Variants in MTPN observed in about 807,000 individuals in gnomAD.
MTPN encodes the protein myotrophin.
MTPN carries 2 observed loss-of-function variants against 13.5 expected under a neutral mutation model. That is an observed-to-expected ratio of 0.15 (90% CI 0.06 to 0.47). MTPN has a LOEUF of 0.47. MTPN is among the 20% of genes least tolerant of loss of function. The pLI is 0.97. For missense variants in MTPN, 79 were observed against 137.9 expected (o/e 0.57, Z 2.14); for synonymous variants, 46 against 51.7 (o/e 0.89, Z 0.48).
chr7:135,962,222 C>A (rs1584817619), intron 1 of MTPN, among the ~76,000 whole-genome samples: 1 of 136,226 alleles, frequency 7.3e-6, no homozygotes, highest in South Asian at 2.4e-4. Flanking sequence ...GATTAGATTG[C>A]ATTAATCTAA....
chr7:135,936,746 C>T (rs1467135575), intron 3 of MTPN, among the ~76,000 whole-genome samples: 3 of 152,168 alleles, frequency 2.0e-5, no homozygotes, highest in African/African-American at 7.2e-5. Context: ...CAGCATGATT[C>T]TGCTGATTTT....
At chr7:135,930,444 T>C (rs1228234601) in intron 3 of MTPN, among the ~76,000 whole-genome samples, 2 of 152,210 alleles carry the variant, frequency 1.3e-5, no homozygotes, top group African/African-American at 4.8e-5. Flanking sequence ...CATTCAGTAT[T>C]ATATACATCA....
At chr7:135,954,183 T>G (rs184501995) in intron 1 of MTPN, among the ~76,000 whole-genome samples, 4 of 152,286 alleles carry the variant, frequency 2.6e-5, no homozygotes, top group Admixed American at 1.3e-4. Context: ...TATGCAGTGT[T>G]TAGCATAGTG....
At chr7:135,974,215 A>G (rs1242889880) in intron 1 of MTPN, among the ~76,000 whole-genome samples, 2 of 152,154 alleles carry the variant, frequency 1.3e-5, no homozygotes, top group Non-Finnish European at 2.9e-5. Context: ...AAGTGTAATT[A>G]CTGACTTTTA....
rs543530495 is a variant in MTPN, at chr7:135,959,857, GA to G, written c.73-8228del. Among the ~76,000 whole-genome samples the G allele has an allele frequency of 2.0e-4, 30 of 151,676 alleles. 1 individual carries two copies. In the East Asian group the frequency reaches 5.8e-3, roughly 29 times the overall value. ...GGAACATCTGTTTTTTTAAGATCAA[GA>G]TAAACTAAGTGTATTGCCTCCTGCT... On this transcript the variant is annotated intron_variant, in intron 1 of 3. Transcript: ENST00000393085.
chr7:135,974,716 T>G (rs1243717256), intron 1 of MTPN, among the ~76,000 whole-genome samples: 1 of 152,208 alleles, frequency 6.6e-6, no homozygotes, highest in African/African-American at 2.4e-5. Flanking sequence ...AGTATTTTCT[T>G]TGTACACACC....
At chr7:135,952,686 G>C (rs1799381077) in intron 1 of MTPN, among the ~76,000 whole-genome samples, 1 of 152,168 alleles carries the variant, frequency 6.6e-6, no homozygotes. Context: ...TCTCAGCCGG[G>C]TGTGGTGGCT....
chr7:135,953,285 T>C (rs755959042), intron 1 of MTPN, among the ~76,000 whole-genome samples: 1 of 152,226 alleles, frequency 6.6e-6, no homozygotes, highest in Non-Finnish European at 1.5e-5. Flanking sequence ...AGTTAGTATT[T>C]AAATATATGG....
At chr7:135,976,942 TC>T in intron 1 of MTPN, 86 bp downstream of exon 1, 1 of 368,376 alleles carries the variant, frequency 2.7e-6, no homozygotes, top group East Asian at 7.4e-5. Context: ...CCCACCCCCA[TC>T]CCCGCAGTCC....
chr7:135,954,690 C>T (rs1295313581), intron 1 of MTPN, among the ~76,000 whole-genome samples: 3 of 152,152 alleles, frequency 2.0e-5, no homozygotes, highest in African/African-American at 7.2e-5. Context: ...CGCCTGTAAT[C>T]CTAGCACTTT....
chr7:135,943,446 T>C (rs927017958), intron 3 of MTPN, among the ~76,000 whole-genome samples: 14 of 152,216 alleles, frequency 9.2e-5, no homozygotes, highest in African/African-American at 3.4e-4. Flanking sequence ...ACTGGCTACG[T>C]GATTAAAAAG....
At chr7:135,968,137 G>A (rs1273141606) in intron 1 of MTPN, among the ~76,000 whole-genome samples, 1 of 151,882 alleles carries the variant, frequency 6.6e-6, no homozygotes, top group Non-Finnish European at 1.5e-5. Context: ...GTATTTTTCA[G>A]ATACTTACTT....
chr7:135,959,435 C>G (rs189484516), intron 1 of MTPN, among the ~76,000 whole-genome samples: 1 of 152,240 alleles, frequency 6.6e-6, no homozygotes, highest in East Asian at 1.9e-4. Flanking sequence ...AACAATCATT[C>G]CCTATGCCTG....
chr7:135,941,964 A>G (rs1055827286), intron 3 of MTPN, among the ~76,000 whole-genome samples: 1 of 151,260 alleles, frequency 6.6e-6, no homozygotes. Flanking sequence ...GCTCACTACA[A>G]ACTCCACCTC....
Position 135,930,649 on chromosome 7 carries a change from G to A in MTPN, c.271-637C>T, listed in dbSNP as rs546022594. Among the ~76,000 whole-genome samples the A allele has an allele frequency of 2.0e-5, 3 of 152,284 alleles. No individual in the cohort carries two copies. The East Asian group carries it at 5.8e-4, about 29-fold the overall frequency. ...AACGCGGCATTCTGGTTTTGAGAGT[G>A]TGTATGTGCCCTTTTGTGCCTGTAT... On this transcript the variant is annotated intron_variant, in intron 3 of 3. Transcript: ENST00000393085.
At chr7:135,930,054 T>C in intron 3 of MTPN, 42 bp from the exon 4 acceptor site, 1 of 1,534,740 alleles carries the variant, frequency 6.5e-7, no homozygotes, top group Non-Finnish European at 9.0e-7. Context: ...AGCCCACAAC[T>C]GGGGGAAGGG....
chr7:135,973,730 T>A lies in MTPN; in HGVS notation c.72+3299A>T, dbSNP rs1024345967. Among the ~76,000 whole-genome samples, 82 of 152,226 alleles carry A rather than the reference T, an allele frequency of 5.4e-4. 1 individual carries two copies. The highest frequency in any genetic ancestry group is 1.7e-3 in the African/African-American group (71 of 41,446). On this transcript the variant is annotated intron_variant, in intron 1 of 3. Coordinates refer to ENST00000393085, the MANE Select transcript of MTPN (RefSeq NM_145808.4). ...TTTCCAGCCGGACAACTGAATTTTATGAAAATGAGATGTTATTTATAATTT... is the reference window on the plus strand; with the variant it reads ...TTTCCAGCCGGACAACTGAATTTTAAGAAAATGAGATGTTATTTATAATTT...
chr7:135,959,472 G>A (rs6960829), intron 1 of MTPN, among the ~76,000 whole-genome samples: 10,814 of 152,124 alleles, frequency 0.071, 458 homozygotes, highest in African/African-American at 0.1. Context: ...CTATACATGG[G>A]TGGGTCAAGA....
intron 1 of MTPN, among the ~76,000 whole-genome samples, chr7:135,963,787 A>AT (rs1004758007): frequency 2.0e-5 from 3 of 151,900 alleles, no homozygotes; most frequent in Non-Finnish European, 2.9e-5. Context: ...CAACTTAGGC[A>AT]TTTTTTTCTT....
Sources: gnomAD v4.1 joint callset for allele counts (sites outside exome capture counted in the v4.1 genomes callset) on GRCh38, gnomAD v4.1.1 for gene constraint, MANE v1.5 for transcripts, NCBI Gene and HGNC (gene_info 2026-07-23, HGNC 2026-07-21) for gene names.